The following GALNTL6 variants were observed in gnomAD, a reference collection of about 807,000 sequenced individuals.
GALNTL6 encodes the protein polypeptide N-acetylgalactosaminyltransferase like 6, also known as polypeptide N-acetylgalactosaminyltransferase-like 6.
In GALNTL6, 46 loss-of-function variants were observed where a neutral mutation model predicts 73.7. The ratio of observed to expected loss-of-function variants is 0.62; its 90% CI spans 0.49 to 0.80. GALNTL6 has a LOEUF of 0.80. GALNTL6 is among the 30% of genes least tolerant of loss of function. The pLI, the probability that GALNTL6 is intolerant of heterozygous loss-of-function variation, is 0.00. For synonymous variants in GALNTL6, 259 were observed against 263.7 expected (o/e 0.98, Z 0.17); for missense variants, 604 against 755.0 (o/e 0.80, Z 2.34).
intron 5 of GALNTL6, 33 bp downstream of exon 5, chr4:172,348,722 C>T (rs1384602539): frequency 2.1e-6 from 3 of 1,428,680 alleles, no homozygotes; most frequent in Non-Finnish European, 2.9e-6. Flanking sequence ...TTATCTGATT[C>T]TGCTACCATT....
chr4:172,105,002 C>T (rs1436187443), intron 2 of GALNTL6, among the ~76,000 whole-genome samples: 1 of 151,670 alleles, frequency 6.6e-6, no homozygotes, highest in Non-Finnish European at 1.5e-5. Context: ...AAAAAGTCAA[C>T]AATTACAAAA....
chr4:171,967,450 T>TTTTTTGTTTG (rs1553976655), intron 2 of GALNTL6, among the ~76,000 whole-genome samples: 1 of 133,364 alleles, frequency 7.5e-6, no homozygotes, highest in Non-Finnish European at 1.5e-5. Context: ...CCTATGGGTT[T>TTTTTTGTTTG]TTTTTTTTTT....
intron 3 of GALNTL6, among the ~76,000 whole-genome samples, chr4:172,280,856 G>A (rs1335371454): frequency 6.6e-6 from 1 of 151,964 alleles, no homozygotes; most frequent in Non-Finnish European, 1.5e-5. Flanking sequence ...CACAAACTTA[G>A]TGCCTTAAAG....
intron 8 of GALNTL6, among the ~76,000 whole-genome samples, chr4:172,912,291 T>C (rs1383029767): frequency 6.6e-6 from 1 of 152,192 alleles, no homozygotes; most frequent in Non-Finnish European, 1.5e-5. Context: ...AGTCTACAGC[T>C]CCCAGTGTCA....
At chr4:172,087,288 T>TA (rs1560917515) in intron 2 of GALNTL6, among the ~76,000 whole-genome samples, 1 of 151,014 alleles carries the variant, frequency 6.6e-6, no homozygotes, top group Non-Finnish European at 1.5e-5. Context: ...CTAAAAAATA[T>TA]AAAAAAATTA....
chr4:171,923,315 T>TAA (rs1476248792), intron 2 of GALNTL6, among the ~76,000 whole-genome samples: 6 of 152,140 alleles, frequency 3.9e-5, no homozygotes, highest in Non-Finnish European at 8.8e-5. Flanking sequence ...ATGTGCCTGT[T>TAA]ATGGTGTTGC....
At chr4:172,169,142 G>A (rs569920373) in intron 2 of GALNTL6, among the ~76,000 whole-genome samples, 63 of 152,274 alleles carry the variant, frequency 4.1e-4, no homozygotes, top group African/African-American at 1.4e-3. Flanking sequence ...TTGACTTGTC[G>A]TGTAGGACTG....
At chr4:171,870,747 G>T (rs1005012727) in intron 2 of GALNTL6, among the ~76,000 whole-genome samples, 1 of 152,132 alleles carries the variant, frequency 6.6e-6, no homozygotes, top group African/African-American at 2.4e-5. Flanking sequence ...AGAGAAATTT[G>T]CAGACAGACA....
chr4:173,021,759 C>G, intron 12 of GALNTL6, 134 bp downstream of exon 12: 1 of 859,790 alleles, frequency 1.2e-6, no homozygotes, highest in South Asian at 1.7e-5. Flanking sequence ...TCTGGGAGGT[C>G]GAGGTGGGCA....
At position 173,040,845 on chromosome 4, in the gene GALNTL6, A is replaced by C. The variant is rs919007662; in HGVS notation, c.*745A>C. ...TTCTATGAATCCAGTTAAAAACAAA[A>C]GCAAAAGCAAAAATCTATGCTATCA... On this transcript the variant is annotated 3_prime_UTR_variant, in exon 13 of 13. Transcript: ENST00000506823. The C allele has an allele frequency of 6.6e-6, 1 of 152,610 alleles. No individual in the cohort carries two copies. The highest frequency in any genetic ancestry group is 1.5e-5 in the Non-Finnish European group (1 of 68,022). 9.5% of individuals were successfully genotyped at this position (152,610 alleles called of 1,614,324 possible).
At chr4:172,052,299 C>G in intron 2 of GALNTL6, 1 of 588,544 alleles carries the variant, frequency 1.7e-6, no homozygotes, top group East Asian at 2.8e-5. Flanking sequence ...ATGTACCACA[C>G]TTCCCAGGGA....
At chr4:172,085,387 A>T (rs1241625000) in intron 2 of GALNTL6, among the ~76,000 whole-genome samples, 1 of 152,110 alleles carries the variant, frequency 6.6e-6, no homozygotes, top group African/African-American at 2.4e-5. Context: ...CCATTATGTG[A>T]TTAAAAATAT....
intron 2 of GALNTL6, among the ~76,000 whole-genome samples, chr4:172,081,156 A>T (rs1454830934): frequency 1.3e-5 from 2 of 152,256 alleles, no homozygotes; most frequent in African/African-American, 4.8e-5. Context: ...CATCAAAGGC[A>T]AAAGCTAGAA....
chr4:172,518,647 C>T (rs534117610), intron 5 of GALNTL6, among the ~76,000 whole-genome samples: 45 of 151,922 alleles, frequency 3.0e-4, no homozygotes, highest in Admixed American at 5.9e-4. Flanking sequence ...AATCAATTTT[C>T]GAATTAATAA....
intron 5 of GALNTL6, among the ~76,000 whole-genome samples, chr4:172,420,398 T>C (rs981097183): frequency 6.6e-6 from 1 of 152,216 alleles, no homozygotes; most frequent in African/African-American, 2.4e-5. Flanking sequence ...CTTCACAGCA[T>C]AGTGAATTCT....
Position 172,972,666 on chromosome 4 carries a change from G to A in GALNTL6, c.1371+20408G>A, listed in dbSNP as rs115317561. The stretch of plus-strand genomic sequence containing the variant: ...TAGTTGTGGGGCAGGAAAGGTAGAC[G>A]GTGGGCTGAGATAGTTTGTTACTCT... On this transcript the variant is annotated intron_variant, in intron 10 of 12. Coordinates refer to ENST00000506823, the MANE Select transcript of GALNTL6 (RefSeq NM_001034845.3). Among the ~76,000 whole-genome samples, 1,189 of 152,162 alleles carry A rather than the reference G, an allele frequency of 7.8e-3. 12 individuals carry two copies. Among genetic ancestry groups the A allele is most frequent in the African/African-American group, 0.028 (1,147 of 41,468 alleles).
chr4:172,739,566 G>C (rs558396402), intron 5 of GALNTL6, among the ~76,000 whole-genome samples: 241 of 152,228 alleles, frequency 1.6e-3, no homozygotes, highest in Non-Finnish European at 3.0e-3. Context: ...CATTAAACCA[G>C]AATAATTCCA....
chr4:172,324,746 T>A lies in GALNTL6; in HGVS notation c.386+12994T>A, dbSNP rs1740885958. On this transcript the variant is annotated intron_variant, in intron 4 of 12. Coordinates refer to ENST00000506823, the MANE Select transcript of GALNTL6 (RefSeq NM_001034845.3). ...AATAGAGTATTTTCTTTGACCAAAC[T>A]TCTATTAAATTATTAATCAAAAATA... Among the ~76,000 whole-genome samples the A allele has an allele frequency of 2.0e-5, 3 of 151,094 alleles. No individual in the cohort carries two copies. In the South Asian group the frequency reaches 6.3e-4, roughly 32 times the overall value.
At chr4:172,985,488 T>G (rs1449187215) in intron 10 of GALNTL6, among the ~76,000 whole-genome samples, 4 of 152,096 alleles carry the variant, frequency 2.6e-5, no homozygotes, top group Non-Finnish European at 4.4e-5. Flanking sequence ...GCCTATTGCC[T>G]AAACAGCTGA....
Sources: allele counts gnomAD v4.1 joint callset (sites outside exome capture counted in the v4.1 genomes callset), GRCh38; gene constraint gnomAD v4.1.1; transcripts MANE v1.5; gene names NCBI Gene and HGNC (gene_info 2026-07-23, HGNC 2026-07-21).